The following PCDHGC4 variants were observed in gnomAD, a reference collection of about 807,000 sequenced individuals.
PCDHGC4 encodes the protein protocadherin gamma-C4.
In PCDHGC4, 15 loss-of-function variants were observed where a neutral mutation model predicts 59.7. The ratio of observed to expected loss-of-function variants is 0.25; its 90% confidence interval spans 0.17 to 0.39. The LOEUF (loss-of-function observed/expected upper bound fraction) is 0.39, where lower values mean the gene tolerates loss of function less well. Among genes scored for constraint, PCDHGC4 ranks in the 10% least tolerant of loss-of-function variants. The pLI is 1.00. For synonymous variants in PCDHGC4, 434 were observed against 481.4 expected (o/e 0.90, Z 1.29); for missense variants, 1,016 against 1,189.5 (o/e 0.85, Z 2.15).
At chr5:141,502,406 T>G (rs1390520101) in intron 2 of PCDHGC4, among the ~76,000 whole-genome samples, 1 of 152,072 alleles carries the variant, frequency 6.6e-6, no homozygotes, top group African/African-American at 2.4e-5. Context: ...TCCCCGAACC[T>G]GGATTTGCTG....
At position 141,487,148 on chromosome 5, in the gene PCDHGC4, G is replaced by A; in HGVS notation, c.1975G>A (p.Val659Ile). ...DSGSPPLSTS[V>I]TLLVSLEEDT... ...TGGTAGTCCACCACTCTCTACCTCT[G>A]TTACTCTCTTAGTGTCCTTAGAGGA... Residue 659 changes from valine (V) to isoleucine (I), a missense_variant, in exon 1 of 4, where the codon GTT becomes ATT. Transcript: ENST00000306593. This position sits in a 1 kb window ranked among gnomAD's most constrained non-coding sequence, Gnocchi z 5.0. The A allele has an allele frequency of 6.2e-7, 1 of 1,614,042 alleles. No homozygotes were observed. The highest frequency in any genetic ancestry group is 8.5e-7 in the Non-Finnish European group (1 of 1,179,922).
At chr5:141,497,129 T>G (rs528066007) in intron 2 of PCDHGC4, among the ~76,000 whole-genome samples, 1 of 151,692 alleles carries the variant, frequency 6.6e-6, no homozygotes, top group Admixed American at 6.6e-5. Flanking sequence ...GAGGTTGCAG[T>G]GAGCTGAGAT....
At chr5:141,496,412 T>C (rs1322376676) in intron 2 of PCDHGC4, among the ~76,000 whole-genome samples, 1 of 152,180 alleles carries the variant, frequency 6.6e-6, no homozygotes, top group African/African-American at 2.4e-5. Context: ...GGTTGAGTAC[T>C]TGCTGTCCAC....
In PCDHGC4 at chr5:141,491,081, C is replaced by T; in HGVS notation, c.2442+3466C>T. The T allele has an allele frequency of 6.2e-7, 1 of 1,614,176 alleles. No individual in the cohort carries two copies. The highest frequency in any genetic ancestry group is 8.5e-7 in the Non-Finnish European group (1 of 1,180,010). On this transcript the variant is annotated intron_variant, in intron 1 of 3. Coordinates refer to ENST00000306593, the MANE Select transcript of PCDHGC4 (RefSeq NM_018928.3). The surrounding 1 kb of genome is among the most constrained non-coding windows in gnomAD (Gnocchi z 6.9). Reference sequence around the variant, plus strand: ...TCCTACTCACTGTTGCCACAGTCCACAGCCCCAGGACTGTTCCTCGTGTCT... The same window carrying T: ...TCCTACTCACTGTTGCCACAGTCCATAGCCCCAGGACTGTTCCTCGTGTCT...
intron 3 of PCDHGC4, among the ~76,000 whole-genome samples, chr5:141,510,415 C>G (rs2099881071): frequency 6.6e-6 from 1 of 152,082 alleles, no homozygotes; most frequent in Admixed American, 6.5e-5. Flanking sequence ...GCATGTAAAG[C>G]CATGGTTTCA....
Position 141,490,503 on chromosome 5 carries a change from C to A in PCDHGC4, c.2442+2888C>A, listed in dbSNP as rs2099701103. On this transcript the variant is annotated intron_variant, in intron 1 of 3. Coordinates refer to ENST00000306593, the MANE Select transcript of PCDHGC4 (RefSeq NM_018928.3). The surrounding 1 kb of genome is among the most constrained non-coding windows in gnomAD (Gnocchi z 5.4). ...ACCGGGAGGCCACATCCCACTATAT[C>A]ATCGAGCTGCTGGCCAGCGATGCTG... 3.7e-6 allele frequency: 6 copies of A among 1,614,206 alleles called. No individual in the cohort carries two copies. In the African/African-American group the frequency reaches 8.0e-5, roughly 22 times the overall value.
chr5:141,505,653 G>A (rs1049630228), intron 3 of PCDHGC4, among the ~76,000 whole-genome samples, 172 bp downstream of exon 3: 1 of 152,184 alleles, frequency 6.6e-6, no homozygotes, highest in Non-Finnish European at 1.5e-5. Context: ...TTGTGGCTAA[G>A]GAACAGCAGA....
In PCDHGC4 at chr5:141,486,370, T is replaced by A; in HGVS notation, c.1197T>A (p.Ser399=). The change falls in exon 1 of 4, where the codon TCT becomes TCA. Residue 399 remains serine, a synonymous_variant. Transcript: ENST00000306593. This position sits in a 1 kb window ranked among gnomAD's most constrained non-coding sequence, Gnocchi z 5.0. ...ACCACTTGCCATTTGCCCTCAAGTC[T>A]GCCTTCAGGAACCAGTTCTCCCTGG... ...IPDHLPFALK[S]AFRNQFSLVT... is the part of the protein sequence containing the mutation. 1 of 1,614,106 alleles carries A rather than the reference T, an allele frequency of 6.2e-7. No homozygotes were observed. The highest frequency in any genetic ancestry group is 8.5e-7 in the Non-Finnish European group (1 of 1,179,986).
At chr5:141,505,302 G>A (rs1733345360) in intron 2 of PCDHGC4, 91 bp from the exon 3 acceptor site, 1 of 1,592,596 alleles carries the variant, frequency 6.3e-7, no homozygotes, top group Admixed American at 1.7e-5. Flanking sequence ...TAGGGTTAGG[G>A]TACTAGGTTT....
intron 2 of PCDHGC4, among the ~76,000 whole-genome samples, chr5:141,496,565 T>C (rs2099769541): frequency 6.6e-6 from 1 of 152,136 alleles, no homozygotes; most frequent in African/African-American, 2.4e-5. Context: ...CACAGTCCTG[T>C]CACCCATTTT....
chr5:141,509,709 T>C (rs1344120168), intron 3 of PCDHGC4, among the ~76,000 whole-genome samples: 1 of 152,200 alleles, frequency 6.6e-6, no homozygotes, highest in African/African-American at 2.4e-5. Context: ...CTGGAGGTGC[T>C]GTCTGATGTC....
chr5:141,501,789 C>T (rs367954511), intron 2 of PCDHGC4, among the ~76,000 whole-genome samples: 1 of 152,262 alleles, frequency 6.6e-6, no homozygotes, highest in South Asian at 2.1e-4. Context: ...TCTCCCTCTG[C>T]TCATCTCTTA....
Position 141,486,173 on chromosome 5 carries a change from T to C in PCDHGC4, c.1000T>C (p.Cys334Arg). 1 of 1,614,220 alleles carries C rather than the reference T, an allele frequency of 6.2e-7. No homozygotes were observed. Among genetic ancestry groups the C allele is most frequent in the Non-Finnish European group, 8.5e-7 (1 of 1,180,042 alleles). ...GGGTTCTCCAGCCATGGAGCAACATTGCAGCCTTCGAGTGGATCTGCTGGA... is the reference window on the plus strand; with the variant it reads ...GGGTTCTCCAGCCATGGAGCAACATCGCAGCCTTCGAGTGGATCTGCTGGA... ...DGGSPAMEQH[C>R]SLRVDLLDVN... is the part of the protein sequence containing the mutation. The change falls in exon 1 of 4, where the codon TGC (cysteine) becomes CGC (arginine). Residue 334 changes from cysteine to arginine, a missense_variant. Cys to Arg is a radical substitution (Grantham distance 180). Transcript: ENST00000306593. The surrounding 1 kb of genome is among the most constrained non-coding windows in gnomAD (Gnocchi z 5.0).
At chr5:141,505,028 G>A (rs2099842951) in intron 2 of PCDHGC4, among the ~76,000 whole-genome samples, 1 of 152,164 alleles carries the variant, frequency 6.6e-6, no homozygotes, top group Admixed American at 6.5e-5. Flanking sequence ...CTGGCACAGT[G>A]GCAGGTGCCT....
Position 141,485,549 on chromosome 5 carries a change from G to A in PCDHGC4, c.376G>A (p.Val126Met). 6.2e-7 allele frequency: 1 copy of A among 1,614,030 alleles called. No homozygotes were observed. The highest frequency in any genetic ancestry group is 1.1e-5 in the South Asian group (1 of 91,068). The change falls in exon 1 of 4, where the codon GTG (valine) becomes ATG (methionine). Residue 126 changes from valine to methionine, a missense_variant. Val to Met is a conservative substitution (Grantham distance 21). Transcript: ENST00000306593. The surrounding 1 kb of genome is among the most constrained non-coding windows in gnomAD (Gnocchi z 5.7). ...MYRAEVEIVD[V>M]NDHAPRFPRQ... ...CCGAGCAGAGGTAGAGATCGTAGATGTGAATGATCACGCCCCCCGTTTTCC... is the reference window on the plus strand; with the variant it reads ...CCGAGCAGAGGTAGAGATCGTAGATATGAATGATCACGCCCCCCGTTTTCC...
At chr5:141,503,005 G>A (rs915064303) in intron 2 of PCDHGC4, among the ~76,000 whole-genome samples, 16 of 145,340 alleles carry the variant, frequency 1.1e-4, no homozygotes, top group African/African-American at 2.3e-4. Flanking sequence ...CACCATGCCC[G>A]GTTAATTTTT....
At position 141,493,726 on chromosome 5, in the gene PCDHGC4, G is replaced by C. The variant is rs1032021616; in HGVS notation, c.2443-1081G>C. ...CTGGAATGCTAGGTTTCTGGGTTCT[G>C]CTCATATCACTGCCACCTGTGAGCC... On this transcript the variant is annotated intron_variant, in intron 1 of 3. Coordinates refer to ENST00000306593, the MANE Select transcript of PCDHGC4 (RefSeq NM_018928.3). This position sits in a 1 kb window ranked among gnomAD's most constrained non-coding sequence, Gnocchi z 4.3. Among the ~76,000 whole-genome samples, 2 of 152,154 alleles carry C rather than the reference G, an allele frequency of 1.3e-5. No individual in the cohort carries two copies. Among genetic ancestry groups the C allele is most frequent in the African/African-American group, 4.8e-5 (2 of 41,438 alleles).
chr5:141,489,148 C>G lies in PCDHGC4; in HGVS notation c.2442+1533C>G. 1 of 895,318 alleles carries G rather than the reference C, an allele frequency of 1.1e-6. No individual in the cohort carries two copies. Among genetic ancestry groups the G allele is most frequent in the Non-Finnish European group, 1.7e-6 (1 of 589,254 alleles). The allele number at this position is 895,318 out of a possible 1,614,324, so 55.5% of individuals were successfully genotyped here. A position where few individuals can be genotyped will look rare whatever the true frequency, so the allele number is the denominator to read the frequency against. ...CAGTTTTTAAGAGGCTGGAAGGAGA[C>G]ATAAGAGACTTCAGCTGCTGCATTC... On this transcript the variant is annotated intron_variant, in intron 1 of 3. Transcript: ENST00000306593. This position sits in a 1 kb window ranked among gnomAD's most constrained non-coding sequence, Gnocchi z 4.5.
In PCDHGC4 at chr5:141,490,861, T is replaced by C. The variant is rs1465042036; in HGVS notation, c.2442+3246T>C. The C allele has an allele frequency of 1.2e-6, 2 of 1,613,816 alleles. No individual in the cohort carries two copies. Among genetic ancestry groups the C allele is most frequent in the Non-Finnish European group, 1.7e-6 (2 of 1,179,920 alleles). On this transcript the variant is annotated intron_variant, in intron 1 of 3. Coordinates refer to ENST00000306593, the MANE Select transcript of PCDHGC4 (RefSeq NM_018928.3). The surrounding 1 kb of genome is among the most constrained non-coding windows in gnomAD (Gnocchi z 5.4). Reference sequence around the variant, plus strand: ...TGTGGTGGGGGTTCGAGACTCCGGCTCTCCCCCATTGCATGCCAACACATC... The same window carrying C: ...TGTGGTGGGGGTTCGAGACTCCGGCCCTCCCCCATTGCATGCCAACACATC...
Sources: allele counts gnomAD v4.1 joint callset (sites outside exome capture counted in the v4.1 genomes callset), GRCh38; gene constraint gnomAD v4.1.1; non-coding constraint Gnocchi (gnomAD v3.1); transcripts MANE v1.5; gene names NCBI Gene and HGNC (gene_info 2026-07-23, HGNC 2026-07-21).